Variants in PLEKHH2 observed in about 807,000 individuals in gnomAD.
The protein encoded by PLEKHH2 is pleckstrin homology, MyTH4 and FERM domain containing H2.
PLEKHH2 carries 129 observed loss-of-function variants against 187.9 expected under a neutral mutation model. The ratio of observed to expected loss-of-function variants is 0.69; its 90% CI spans 0.59 to 0.79. The LOEUF (loss-of-function observed/expected upper bound fraction) is 0.79. Among genes scored for constraint, PLEKHH2 ranks in the 30% least tolerant of loss-of-function variants. The pLI is 0.00. For synonymous variants in PLEKHH2, 686 were observed against 605.6 expected (o/e 1.13, Z -1.95); for missense variants, 2,076 against 1,751.2 (o/e 1.19, Z -3.31).
chr2:43,676,089 G>A (rs1384886636), intron 2 of PLEKHH2: 6 of 1,613,586 alleles, frequency 3.7e-6, no homozygotes, highest in Non-Finnish European at 5.1e-6. Flanking sequence ...TCTCATCTTC[G>A]GATTCTCCAA....
intron 2 of PLEKHH2, chr2:43,676,343 G>GCCAGGAAAA: frequency 1.5e-5 from 23 of 1,566,394 alleles, no homozygotes; most frequent in Non-Finnish European, 1.9e-5. Context: ...TTAGGACAGT[G>GCCAGGAAAA]TGCCAGGGTC....
rs17031357 is a variant in PLEKHH2 at position 43,738,306 on chromosome 2, C to T, written c.2944-35C>T. On this transcript the variant is annotated intron_variant, in intron 19 of 29. Coordinates refer to ENST00000282406, the MANE Select transcript of PLEKHH2 (RefSeq NM_172069.4). Reference sequence around the variant, plus strand: ...TCATGCAGAATAAATCTAATCACTCCTCACCTTGAATATATCTTTTTTTGT... The same window carrying T: ...TCATGCAGAATAAATCTAATCACTCTTCACCTTGAATATATCTTTTTTTGT... 2.9e-3 allele frequency: 4,460 copies of T among 1,545,020 alleles called. 121 individuals carry two copies. In the African/African-American group the frequency reaches 0.054, roughly 19 times the overall value.
intron 15 of PLEKHH2, among the ~76,000 whole-genome samples, chr2:43,717,909 C>G (rs1021091969): frequency 6.6e-6 from 1 of 152,180 alleles, no homozygotes; most frequent in Non-Finnish European, 1.5e-5. Flanking sequence ...AAAATGCTAG[C>G]TATTATCATC....
chr2:43,675,981 A>G, intron 2 of PLEKHH2: 1 of 1,614,014 alleles, frequency 6.2e-7, no homozygotes, highest in Non-Finnish European at 8.5e-7. Context: ...CCCACCTGTC[A>G]TTACTTTCTA....
At chr2:43,733,586 A>C (rs1028809080) in intron 19 of PLEKHH2, among the ~76,000 whole-genome samples, 3 of 152,146 alleles carry the variant, frequency 2.0e-5, no homozygotes, top group Admixed American at 6.6e-5. Flanking sequence ...TTTATTAGAT[A>C]ATATGGAATT....
intron 3 of PLEKHH2, chr2:43,679,460 T>A: frequency 2.9e-6 from 1 of 342,662 alleles, no homozygotes; most frequent in Non-Finnish European, 5.6e-6. Flanking sequence ...TGTTTACAAT[T>A]GTTTGAATTA....
At chr2:43,694,854 C>T (rs985010494) in intron 5 of PLEKHH2, among the ~76,000 whole-genome samples, 2 of 152,158 alleles carry the variant, frequency 1.3e-5, no homozygotes, top group East Asian at 1.9e-4. Context: ...ATTTCTATGG[C>T]AGTTTAAAGC....
At chr2:43,694,992 T>C in intron 5 of PLEKHH2, 151 bp from the exon 6 acceptor site, 1 of 402,514 alleles carries the variant, frequency 2.5e-6, no homozygotes, top group Non-Finnish European at 4.4e-6. Context: ...CCTATTCTGA[T>C]AAATTAATCT....
chr2:43,724,414 T>C (rs1670637484), intron 16 of PLEKHH2, among the ~76,000 whole-genome samples: 1 of 152,216 alleles, frequency 6.6e-6, no homozygotes, highest in Non-Finnish European at 1.5e-5. Flanking sequence ...TTAGAAGTTA[T>C]AAATCTGATG....
At chr2:43,696,754 C>T (rs970624845) in intron 6 of PLEKHH2, among the ~76,000 whole-genome samples, 15 of 152,068 alleles carry the variant, frequency 9.9e-5, no homozygotes, top group African/African-American at 2.7e-4. Flanking sequence ...TTGGTTATTT[C>T]GGCAACCAGG....
At chr2:43,762,520 C>T (rs1287404307) in intron 28 of PLEKHH2, 130 bp downstream of exon 28, 5 of 603,526 alleles carry the variant, frequency 8.3e-6, no homozygotes, top group Non-Finnish European at 1.2e-5. Context: ...AATACTATGT[C>T]ATGAACAGTC....
intron 24 of PLEKHH2, among the ~76,000 whole-genome samples, chr2:43,750,457 G>C (rs544633409): frequency 2.0e-5 from 3 of 151,516 alleles, no homozygotes; most frequent in African/African-American, 7.3e-5. Context: ...CTCCAGTCTG[G>C]GTGACAGAGC....
chr2:43,644,174 T>C (rs777684844), intron 1 of PLEKHH2, among the ~76,000 whole-genome samples: 1 of 152,144 alleles, frequency 6.6e-6, no homozygotes, highest in Non-Finnish European at 1.5e-5. Flanking sequence ...CCGTGAATTG[T>C]AGCAATTGAA....
intron 2 of PLEKHH2, among the ~76,000 whole-genome samples, chr2:43,659,882 T>G (rs184510734): frequency 6.6e-6 from 1 of 152,228 alleles, no homozygotes; most frequent in Non-Finnish European, 1.5e-5. Context: ...TTAAAAATTT[T>G]TTTTGGTCAA....
chr2:43,742,162 G>A (rs976877155), intron 21 of PLEKHH2, among the ~76,000 whole-genome samples: 9 of 151,840 alleles, frequency 5.9e-5, no homozygotes, highest in Middle Eastern at 6.8e-3. Flanking sequence ...CACCACCCCC[G>A]GCTAATTTTT....
At chr2:43,758,716 A>T (rs1333383570) in intron 26 of PLEKHH2, among the ~76,000 whole-genome samples, 184 bp from the exon 27 acceptor site, 2 of 152,232 alleles carry the variant, frequency 1.3e-5, no homozygotes, top group Non-Finnish European at 2.9e-5. Context: ...TGAAAGGAAT[A>T]TTCCAGAAAG....
intron 3 of PLEKHH2, among the ~76,000 whole-genome samples, chr2:43,682,529 A>T (rs368518625): frequency 7.6e-4 from 116 of 151,962 alleles, no homozygotes; most frequent in Non-Finnish European, 1.5e-3. Context: ...CTGGTCTCGA[A>T]CTCCTGACCT....
intron 3 of PLEKHH2, among the ~76,000 whole-genome samples, chr2:43,685,493 T>C (rs956002134): frequency 6.6e-6 from 1 of 152,186 alleles, no homozygotes; most frequent in African/African-American, 2.4e-5. Flanking sequence ...AGTGATGCGA[T>C]CTCAGCTCAC....
At chr2:43,733,311 C>T (rs1047524208) in intron 19 of PLEKHH2, among the ~76,000 whole-genome samples, 9 of 149,258 alleles carry the variant, frequency 6.0e-5, no homozygotes, top group East Asian at 4.0e-4. Context: ...TGCACTGAGC[C>T]GAGATCGCAC....
Sources: gnomAD v4.1 joint callset for allele counts (sites outside exome capture counted in the v4.1 genomes callset) on GRCh38, gnomAD v4.1.1 for gene constraint, MANE v1.5 for transcripts, NCBI Gene and HGNC (gene_info 2026-07-23, HGNC 2026-07-21) for gene names.